Variants in LRMDA observed in about 807,000 individuals in gnomAD.
The protein encoded by LRMDA is leucine-rich melanocyte differentiation-associated protein.
In LRMDA, 18 loss-of-function variants were observed where a neutral mutation model predicts 29.8. The observed-to-expected ratio is 0.60, with a 90% CI of 0.42 to 0.90. LRMDA has a LOEUF of 0.90. LRMDA is among the 40% of genes least tolerant of loss of function. The pLI is 0.00. For missense variants in LRMDA, 273 were observed against 273.9 expected (o/e 1.00, Z 0.02); for synonymous variants, 125 against 109.4 (o/e 1.14, Z -0.89).
intron 6 of LRMDA, among the ~76,000 whole-genome samples, chr10:76,552,940 C>T (rs779256173): frequency 6.6e-6 from 1 of 152,192 alleles, no homozygotes; most frequent in African/African-American, 2.4e-5. Flanking sequence ...CCCACTTAGG[C>T]AGCCCCAAGG....
chr10:76,209,111 A>G (rs1438974700), intron 5 of LRMDA, among the ~76,000 whole-genome samples: 1 of 152,050 alleles, frequency 6.6e-6, no homozygotes, highest in Non-Finnish European at 1.5e-5. Context: ...CTGAGATCAC[A>G]CCCACTGCAC....
intron 2 of LRMDA, among the ~76,000 whole-genome samples, chr10:75,772,876 G>GGA (rs1843262951): frequency 8.0e-6 from 1 of 124,706 alleles, no homozygotes; most frequent in Non-Finnish European, 1.7e-5. Context: ...GGATGGGGGG[G>GGA]GGCAGATTAA....
intron 5 of LRMDA, among the ~76,000 whole-genome samples, chr10:76,219,919 C>G (rs892862923): frequency 5.9e-5 from 9 of 152,210 alleles, no homozygotes; most frequent in Non-Finnish European, 1.2e-4. Context: ...CAAACTGTCT[C>G]TCAGACCACA....
At chr10:75,551,327 ATATT>A (rs1840144336) in intron 2 of LRMDA, among the ~76,000 whole-genome samples, 2 of 152,094 alleles carry the variant, frequency 1.3e-5, no homozygotes, top group Admixed American at 6.5e-5. Context: ...GGCTTACTTG[ATATT>A]TATTTATTTA....
chr10:76,217,150 G>A (rs1589380290), intron 5 of LRMDA, among the ~76,000 whole-genome samples: 2 of 152,160 alleles, frequency 1.3e-5, no homozygotes, highest in Admixed American at 1.3e-4. Context: ...TTTTATATAT[G>A]TGAATGTGTA....
intron 5 of LRMDA, among the ~76,000 whole-genome samples, chr10:76,245,385 G>A (rs535405586): frequency 6.6e-6 from 1 of 152,226 alleles, no homozygotes; most frequent in East Asian, 1.9e-4. Flanking sequence ...CTGTTATAAG[G>A]TAGTGGTGTT....
At chr10:76,380,716 T>C (rs2132470816) in intron 6 of LRMDA, among the ~76,000 whole-genome samples, 1 of 146,320 alleles carries the variant, frequency 6.8e-6, no homozygotes, top group South Asian at 2.2e-4. Flanking sequence ...ATATAGCCTA[T>C]AAATTTAAAT....
chr10:76,252,324 C>T (rs1269126441), intron 5 of LRMDA, among the ~76,000 whole-genome samples: 3 of 152,152 alleles, frequency 2.0e-5, no homozygotes, highest in African/African-American at 7.2e-5. Context: ...ATAATAAATA[C>T]TCTTTAATTT....
chr10:75,443,962 C>T (rs1424530649), intron 2 of LRMDA, among the ~76,000 whole-genome samples: 1 of 152,156 alleles, frequency 6.6e-6, no homozygotes, highest in African/African-American at 2.4e-5. Flanking sequence ...TTCAACCACT[C>T]ATATAAGGAA....
intron 6 of LRMDA, among the ~76,000 whole-genome samples, chr10:76,407,538 G>A (rs1377919496): frequency 6.6e-6 from 1 of 152,000 alleles, no homozygotes; most frequent in Non-Finnish European, 1.5e-5. Flanking sequence ...TTAGAATAAC[G>A]AACCTTTGTC....
chr10:75,738,087 C>T (rs1842787202), intron 2 of LRMDA, among the ~76,000 whole-genome samples: 1 of 152,178 alleles, frequency 6.6e-6, no homozygotes, highest in Non-Finnish European at 1.5e-5. Flanking sequence ...GTTAATATTT[C>T]ATCAGATTCA....
chr10:76,225,423 AAAAAG>A (rs1851934286), intron 5 of LRMDA, among the ~76,000 whole-genome samples: 1 of 152,128 alleles, frequency 6.6e-6, no homozygotes, highest in Non-Finnish European at 1.5e-5. Context: ...TCTCAAAAAA[AAAAAG>A]AAAAGATATT....
intron 5 of LRMDA, among the ~76,000 whole-genome samples, chr10:76,114,986 C>T (rs975654518): frequency 6.6e-6 from 1 of 152,132 alleles, no homozygotes; most frequent in South Asian, 2.1e-4. Flanking sequence ...TCCTTTCAGT[C>T]ATTTTTATTT....
intron 6 of LRMDA, among the ~76,000 whole-genome samples, chr10:76,507,668 TG>T (rs1842972376): frequency 6.6e-6 from 1 of 152,160 alleles, no homozygotes; most frequent in Non-Finnish European, 1.5e-5. Context: ...ATTTTATTTT[TG>T]TATGGGCTAA....
At chr10:76,246,166 G>A (rs779274281) in intron 5 of LRMDA, among the ~76,000 whole-genome samples, 1 of 152,094 alleles carries the variant, frequency 6.6e-6, no homozygotes, top group Non-Finnish European at 1.5e-5. Context: ...GGTTCCACGC[G>A]GTACTACTGC....
intron 6 of LRMDA, among the ~76,000 whole-genome samples, chr10:76,483,598 G>A (rs1004206636): frequency 1.3e-5 from 2 of 151,732 alleles, no homozygotes; most frequent in Admixed American, 1.3e-4. Flanking sequence ...AGGGGCAGGC[G>A]CACAGTGGCC....
chr10:75,674,099 T>A (rs1157623539), intron 2 of LRMDA, among the ~76,000 whole-genome samples: 1 of 152,258 alleles, frequency 6.6e-6, no homozygotes, highest in Non-Finnish European at 1.5e-5. Context: ...GTTTTAATGC[T>A]GGGACTAGTT....
intron 1 of LRMDA, among the ~76,000 whole-genome samples, chr10:75,433,349 C>T (rs536549522): frequency 1.3e-5 from 2 of 152,174 alleles, no homozygotes; most frequent in African/African-American, 2.4e-5. Flanking sequence ...TCTTAGCCTA[C>T]TCCAAACAGC....
chr10:75,986,809 C>T (rs1006500070), intron 2 of LRMDA, among the ~76,000 whole-genome samples: 4 of 152,212 alleles, frequency 2.6e-5, no homozygotes, highest in Admixed American at 2.0e-4. Context: ...CTGTCTTTTG[C>T]CTCTTTGGGT....
Sources: gnomAD v4.1 joint callset for allele counts (sites outside exome capture counted in the v4.1 genomes callset) on GRCh38, gnomAD v4.1.1 for gene constraint, MANE v1.5 for transcripts, NCBI Gene and HGNC (gene_info 2026-07-23, HGNC 2026-07-21) for gene names.